Variants in NELL1 observed in about 807,000 individuals in gnomAD.
NELL1 encodes the protein protein kinase C-binding protein NELL1.
A neutral mutation model predicts 107.4 loss-of-function variants in NELL1; 76 were observed. That is an observed-to-expected ratio of 0.71 (90% CI 0.59 to 0.86). The LOEUF (loss-of-function observed/expected upper bound fraction) is 0.86. Ranked by LOEUF, NELL1 falls within the 40% of genes least tolerant of loss-of-function variation. The pLI is 0.00. For synonymous variants in NELL1, 353 were observed against 341.2 expected (o/e 1.03, Z -0.38); for missense variants, 1,024 against 1,005.5 (o/e 1.02, Z -0.25).
At chr11:20,915,717 A>ATTTT (rs67447563) in intron 5 of NELL1, among the ~76,000 whole-genome samples, 6 of 58,212 alleles carry the variant, frequency 1.0e-4, no homozygotes, top group Admixed American at 4.2e-4. Context: ...ATATATATAT[A>ATTTT]TTTTTTTTTT....
intron 10 of NELL1, among the ~76,000 whole-genome samples, chr11:20,942,358 C>G (rs1039229857): frequency 2.0e-5 from 3 of 152,132 alleles, no homozygotes; most frequent in African/African-American, 7.2e-5. Context: ...GGTCTCTCTG[C>G]ATCAGTGGGT....
chr11:21,149,500 G>A (rs143936219), intron 13 of NELL1, among the ~76,000 whole-genome samples: 8 of 152,296 alleles, frequency 5.3e-5, no homozygotes, highest in South Asian at 2.1e-4. Context: ...ATCAGATGTC[G>A]TGAGACTTAT....
intron 15 of NELL1, among the ~76,000 whole-genome samples, chr11:21,427,142 T>A (rs1485253591): frequency 6.6e-6 from 1 of 152,154 alleles, no homozygotes; most frequent in Non-Finnish European, 1.5e-5. Flanking sequence ...GACAAGCTGT[T>A]AGGCATCTCT....
At chr11:20,711,631 C>T (rs937303520) in intron 2 of NELL1, among the ~76,000 whole-genome samples, 2 of 151,838 alleles carry the variant, frequency 1.3e-5, no homozygotes, top group East Asian at 3.9e-4. Flanking sequence ...TTTATCTCTT[C>T]TTCATTTATG....
chr11:21,526,365 T>A (rs758198728), intron 15 of NELL1, among the ~76,000 whole-genome samples: 4 of 152,208 alleles, frequency 2.6e-5, no homozygotes, highest in Non-Finnish European at 5.9e-5. Context: ...CTAGCTGCTT[T>A]CAAGGGTTGG....
intron 13 of NELL1, among the ~76,000 whole-genome samples, chr11:21,201,066 A>T (rs1434714286): frequency 2.0e-5 from 3 of 152,142 alleles, no homozygotes; most frequent in African/African-American, 4.8e-5. Flanking sequence ...AGGTAGCGTG[A>T]TGCTTCCAGC....
intron 13 of NELL1, among the ~76,000 whole-genome samples, chr11:21,142,933 G>T (rs1289629723): frequency 6.6e-6 from 1 of 152,166 alleles, no homozygotes; most frequent in African/African-American, 2.4e-5. Flanking sequence ...ACTATTTCTA[G>T]GCAGGTGGCA....
intron 1 of NELL1, among the ~76,000 whole-genome samples, chr11:20,670,098 G>C (rs944493958): frequency 2.0e-5 from 3 of 152,156 alleles, no homozygotes; most frequent in Non-Finnish European, 4.4e-5. Flanking sequence ...ACCCGCAGCA[G>C]GGCGGGCCCG....
At chr11:21,009,103 A>C (rs143185050) in intron 12 of NELL1, among the ~76,000 whole-genome samples, 64 of 152,222 alleles carry the variant, frequency 4.2e-4, no homozygotes, top group African/African-American at 1.4e-3. Context: ...GCTGCAATTT[A>C]CTGTTGGAAT....
At chr11:20,821,008 A>C (rs112066407) in intron 3 of NELL1, among the ~76,000 whole-genome samples, 1 of 152,256 alleles carries the variant, frequency 6.6e-6, no homozygotes, top group Non-Finnish European at 1.5e-5. Flanking sequence ...TGAACAATGC[A>C]TGGCACCTTG....
At chr11:21,399,739 G>T (rs572535051) in intron 15 of NELL1, among the ~76,000 whole-genome samples, 1 of 151,880 alleles carries the variant, frequency 6.6e-6, no homozygotes, top group Non-Finnish European at 1.5e-5. Flanking sequence ...AAGCAATCTA[G>T]CTGCAGAGCC....
At chr11:21,291,400 TAATAAGTTC>T (rs1383588961) in intron 14 of NELL1, among the ~76,000 whole-genome samples, 7 of 4,306 alleles carry the variant, frequency 1.6e-3, no homozygotes, top group African/African-American at 2.2e-3. Context: ...AATAGATCAA[TAATAAGTTC>T]TGAAATTGAG....
chr11:21,031,256 T>G (rs1315309201), intron 12 of NELL1, among the ~76,000 whole-genome samples: 1 of 152,236 alleles, frequency 6.6e-6, no homozygotes, highest in Non-Finnish European at 1.5e-5. Context: ...TAAATAATGC[T>G]TCAGTGAACA....
intron 4 of NELL1, among the ~76,000 whole-genome samples, chr11:20,857,942 T>A (rs779999784): frequency 6.6e-6 from 1 of 152,162 alleles, no homozygotes; most frequent in Non-Finnish European, 1.5e-5. Context: ...TATTCCTTGA[T>A]AAAGATGCAG....
chr11:20,922,063 G>A (rs1251258604), intron 7 of NELL1, among the ~76,000 whole-genome samples: 1 of 152,018 alleles, frequency 6.6e-6, no homozygotes, highest in Non-Finnish European at 1.5e-5. Flanking sequence ...TGTGCCTTGA[G>A]CAAGCCTCCT....
Position 20,989,366 on chromosome 11 carries a change from C to T in NELL1, c.1300+28806C>T, listed in dbSNP as rs145742279. Among the ~76,000 whole-genome samples the T allele has an allele frequency of 5.4e-3, 822 of 152,182 alleles. 7 individuals carry two copies. Among genetic ancestry groups the T allele is most frequent in the African/African-American group, 0.019 (771 of 41,508 alleles). ...CTGGAAAATCAGGCCTGTCTATTCA[C>T]GCAGAAAGGTTATGAATACAAAAAA... On this transcript the variant is annotated intron_variant, in intron 12 of 19. Coordinates refer to ENST00000357134, the MANE Select transcript of NELL1 (RefSeq NM_006157.5).
At chr11:21,321,237 G>A (rs1850002498) in intron 14 of NELL1, among the ~76,000 whole-genome samples, 1 of 152,176 alleles carries the variant, frequency 6.6e-6, no homozygotes, top group South Asian at 2.1e-4. Context: ...GGTGCTCATT[G>A]TGGGCCTTCA....
intron 19 of NELL1, among the ~76,000 whole-genome samples, chr11:21,574,705 C>T (rs543624251): frequency 6.6e-6 from 1 of 151,774 alleles, no homozygotes; most frequent in East Asian, 2.0e-4. Context: ...CCAGGGAGGC[C>T]TCCCAAGCAG....
chr11:20,706,710 C>G (rs1382181081), intron 2 of NELL1, among the ~76,000 whole-genome samples: 3 of 152,020 alleles, frequency 2.0e-5, no homozygotes, highest in Non-Finnish European at 4.4e-5. Flanking sequence ...TTGGCCCCCA[C>G]TTTTTTCTGA....
Sources: allele counts gnomAD v4.1 joint callset (sites outside exome capture counted in the v4.1 genomes callset), GRCh38; gene constraint gnomAD v4.1.1; transcripts MANE v1.5; gene names NCBI Gene and HGNC (gene_info 2026-07-23, HGNC 2026-07-21).